Variants in MAX observed in about 807,000 individuals in gnomAD.
MAX encodes the protein MYC associated transcriptional regulator X.
Under a neutral mutation model 22.3 loss-of-function variants are expected in MAX, and 3 were observed. The observed-to-expected ratio is 0.13, with a 90% confidence interval of 0.06 to 0.35. The LOEUF (loss-of-function observed/expected upper bound fraction) is 0.35. Among genes scored for constraint, MAX ranks in the 10% least tolerant of loss-of-function variants. MAX has a pLI of 1.00. For missense variants in MAX, 119 were observed against 209.4 expected, an observed-to-expected ratio of 0.57 and a Z score of 2.66; for synonymous variants, 72 against 77.7, an observed-to-expected ratio of 0.93 and a Z score of 0.39.
At chr14:65,051,715 C>T (rs1199927311) in intron 3 of MAX, among the ~76,000 whole-genome samples, 1 of 151,656 alleles carries the variant, frequency 6.6e-6, no homozygotes, top group Non-Finnish European at 1.5e-5. Context: ...GAAATCTTTT[C>T]CCCCGTTTTT....
Position 65,096,309 on chromosome 14 carries a change from T to C in MAX, c.64-2494A>G, listed in dbSNP as rs57911949. Among the ~76,000 whole-genome samples the C allele has an allele frequency of 6.7e-3, 1,015 of 152,282 alleles. 10 individuals are homozygous for C. Among genetic ancestry groups the C allele is most frequent in the African/African-American group, 0.023 (963 of 41,550 alleles). On this transcript the variant is annotated intron_variant, in intron 2 of 4. Transcript: ENST00000358664. ...TCAATTTTAAATCTCTCAGAGACAATGGCAAGGATGTATTTTTCTCTTCCC... is the reference window on the plus strand; with the variant it reads ...TCAATTTTAAATCTCTCAGAGACAACGGCAAGGATGTATTTTTCTCTTCCC...
intron 3 of MAX, among the ~76,000 whole-genome samples, chr14:65,046,646 G>C (rs113436813): frequency 1.3e-5 from 2 of 152,168 alleles, no homozygotes; most frequent in Admixed American, 6.5e-5. Flanking sequence ...ACTTGGAACA[G>C]ACAGGAGTCT....
At chr14:65,066,661 C>T (rs1161109528) in intron 3 of MAX, among the ~76,000 whole-genome samples, 2 of 151,960 alleles carry the variant, frequency 1.3e-5, no homozygotes, top group Middle Eastern at 3.4e-3. Flanking sequence ...TCATGACCAG[C>T]CTGACCAACA....
chr14:65,026,861 C>CAAAA (rs577920846), intron 3 of MAX, among the ~76,000 whole-genome samples: 1 of 135,590 alleles, frequency 7.4e-6, no homozygotes. Context: ...AACCCCGCCT[C>CAAAA]AAAAAAAAAA....
chr14:65,021,804 C>G (rs1238607744), intron 3 of MAX, among the ~76,000 whole-genome samples: 5 of 152,176 alleles, frequency 3.3e-5, no homozygotes, highest in African/African-American at 1.2e-4. Context: ...TGCCACTATG[C>G]CTGGCTAATT....
chr14:65,042,785 G>C (rs776591075), intron 3 of MAX, among the ~76,000 whole-genome samples: 3 of 152,234 alleles, frequency 2.0e-5, no homozygotes, highest in Non-Finnish European at 4.4e-5. Flanking sequence ...CCTGCGGTAA[G>C]TAGAAATGAG....
chr14:65,093,654 C>A lies in MAX; in HGVS notation c.171+54G>T, dbSNP rs2063577969. On this transcript the variant is annotated intron_variant, in intron 3 of 4. Transcript: ENST00000358664. The surrounding 1 kb of genome is among the most constrained non-coding windows in gnomAD (Gnocchi z 4.4). ...TAGGTGAGTGCTCTGCTAAGCTCTG[C>A]AACAAGTTCCAAGCTAGTAGTGGCC... 12 of 940,562 alleles carry A rather than the reference C, an allele frequency of 1.3e-5. No individual in the cohort carries two copies. The East Asian group carries it at 2.9e-4, about 22-fold the overall frequency. The allele number at this position is 940,562 out of a possible 1,614,324, so 58.3% of individuals were successfully genotyped here.
intron 3 of MAX, among the ~76,000 whole-genome samples, chr14:65,057,947 A>G (rs1366425910): frequency 6.6e-6 from 1 of 152,192 alleles, no homozygotes; most frequent in Admixed American, 6.5e-5. Flanking sequence ...CAAGTCTGAA[A>G]ACAGGTAGGC....
intron 3 of MAX, among the ~76,000 whole-genome samples, chr14:65,008,920 C>G (rs1171757069): frequency 1.3e-5 from 2 of 152,198 alleles, no homozygotes; most frequent in Non-Finnish European, 2.9e-5. Flanking sequence ...CCCACTTGCT[C>G]TCCTGTCACC....
rs563468928 is a variant in MAX, at chr14:65,031,979, C to CGTGTGTGTGT, written c.172-25705_172-25696dup. On this transcript the variant is annotated intron_variant, in intron 3 of 3. Transcript: ENST00000341653. This position sits in a 1 kb window ranked among gnomAD's most constrained non-coding sequence, Gnocchi z 4.6. The stretch of plus-strand genomic sequence containing the variant: ...ATAGACGTGCGCCTTTTTCATTTAA[C>CGTGTGTGTGT]GTGTGTGTGTGTGTGTGTGTGTGTG... Among the ~76,000 whole-genome samples, 456 of 141,282 alleles carry CGTGTGTGTGT rather than the reference C, an allele frequency of 3.2e-3. 2 individuals carry two copies. The highest frequency in any genetic ancestry group is 0.011 in the Middle Eastern group (3 of 284). 92.7% of individuals were successfully genotyped at this position (141,282 alleles called of 152,430 possible).
At chr14:65,037,017 T>C (rs1286932558) in intron 3 of MAX, among the ~76,000 whole-genome samples, 2 of 152,174 alleles carry the variant, frequency 1.3e-5, no homozygotes, top group Non-Finnish European at 2.9e-5. Flanking sequence ...GGGCACTCGA[T>C]TTGGAAGTGC....
In MAX at chr14:65,041,173, A is replaced by G. The variant is rs111696904; in HGVS notation, c.172-34889T>C. Among the ~76,000 whole-genome samples the G allele has an allele frequency of 4.7e-3, 718 of 152,314 alleles. 14 individuals are homozygous for G. The highest frequency in any genetic ancestry group is 0.042 in the South Asian group (205 of 4,830). On this transcript the variant is annotated intron_variant, in intron 3 of 3. Coordinates refer to the MAX transcript ENST00000341653. ...TGCTGCAGACATCTGGTGTGAGCAG[A>G]GTACCTTCCTTATACTTCAGTTTCG...
intron 3 of MAX, among the ~76,000 whole-genome samples, chr14:65,085,501 G>C (rs1239295809): frequency 6.6e-6 from 1 of 152,152 alleles, no homozygotes; most frequent in Non-Finnish European, 1.5e-5. Flanking sequence ...AGTACTCTTG[G>C]GGGAGTGAGA....
intron 2 of MAX, among the ~76,000 whole-genome samples, chr14:65,095,260 C>T (rs2063629209): frequency 6.6e-6 from 1 of 152,212 alleles, no homozygotes; most frequent in African/African-American, 2.4e-5. Context: ...CCATGGTTCT[C>T]CATAGCATAT....
rs529711994 is a variant in MAX, at chr14:65,054,212, G to A, written c.171+39496C>T. ...ACTGCAGCCTTCACCTCTTGGGCTC[G>A]AGTGATCCTCCTGCTTCAGCCTCCC... On this transcript the variant is annotated intron_variant, in intron 3 of 3. Coordinates refer to the MAX transcript ENST00000341653. The surrounding 1 kb of genome is among the most constrained non-coding windows in gnomAD (Gnocchi z 4.4). Among the ~76,000 whole-genome samples the A allele has an allele frequency of 1.1e-4, 17 of 152,088 alleles. No homozygotes were observed. Among genetic ancestry groups the A allele is most frequent in the Non-Finnish European group, 2.2e-4 (15 of 68,002 alleles).
rs2061918665 is a variant in MAX at position 65,023,128 on chromosome 14, G to A, written c.172-16844C>T. Among the ~76,000 whole-genome samples, 1 of 152,174 alleles carries A rather than the reference G, an allele frequency of 6.6e-6. No individual in the cohort carries two copies. The highest frequency in any genetic ancestry group is 2.1e-4 in the South Asian group (1 of 4,830). ...GCTGGAATGCAGTGGCACAATCACA[G>A]CTCACTGCAACCTGGACTTCCCCAA... On this transcript the variant is annotated intron_variant, in intron 3 of 3. Transcript: ENST00000341653. The surrounding 1 kb of genome is among the most constrained non-coding windows in gnomAD (Gnocchi z 4.1).
chr14:65,064,582 G>T lies in MAX; in HGVS notation c.171+29126C>A, dbSNP rs566727094. On this transcript the variant is annotated intron_variant, in intron 3 of 3. Coordinates refer to the MAX transcript ENST00000341653. ...TGGTTCCACCCCAGCCTTCCTTCCA[G>T]CGAGTATCATTGTGTTTCACTGGCT... Among the ~76,000 whole-genome samples, 89 of 152,304 alleles carry T rather than the reference G, an allele frequency of 5.8e-4. 2 individuals carry two copies. The South Asian group carries it at 0.017, about 30-fold the overall frequency.
At chr14:65,018,133 G>C (rs1165716228) in intron 3 of MAX, among the ~76,000 whole-genome samples, 1 of 152,010 alleles carries the variant, frequency 6.6e-6, no homozygotes, top group East Asian at 1.9e-4. Context: ...CTGGGGCCCA[G>C]GAATTCAAGA....
At position 65,062,117 on chromosome 14, in the gene MAX, T is replaced by G. The variant is rs1027250838; in HGVS notation, c.171+31591A>C. 6.6e-6 allele frequency: 1 copy of G among 152,294 alleles called. No homozygotes were observed. Among genetic ancestry groups the G allele is most frequent in the African/African-American group, 2.4e-5 (1 of 41,446 alleles). The allele number at this position is 152,294 out of a possible 1,614,324, so 9.4% of individuals were successfully genotyped here. A position where few individuals can be genotyped will look rare whatever the true frequency, so the allele number is the denominator to read the frequency against. On this transcript the variant is annotated intron_variant, in intron 3 of 3. Coordinates refer to the MAX transcript ENST00000341653. This position sits in a 1 kb window ranked among gnomAD's most constrained non-coding sequence, Gnocchi z 4.3. ...CCTATCATGTACCGTGAAAACCCCCTCTGATGGCCTCAAGGCAGTGCCTGC... is the reference window on the plus strand; with the variant it reads ...CCTATCATGTACCGTGAAAACCCCCGCTGATGGCCTCAAGGCAGTGCCTGC...
Sources: gnomAD v4.1 joint callset for allele counts (sites outside exome capture counted in the v4.1 genomes callset) on GRCh38, gnomAD v4.1.1 for gene constraint, Gnocchi (gnomAD v3.1) non-coding constraint, MANE v1.5 for transcripts, NCBI Gene and HGNC (gene_info 2026-07-23, HGNC 2026-07-21) for gene names.